Variants in FSTL5 observed in about 807,000 individuals in gnomAD.
The protein encoded by FSTL5 is follistatin-related protein 5.
In FSTL5, 62 loss-of-function variants were observed where a neutral mutation model predicts 89.1. The ratio of observed to expected loss-of-function variants is 0.70; its 90% CI spans 0.57 to 0.86. The LOEUF is 0.86. FSTL5 is among the 40% of genes least tolerant of loss of function. The pLI, the probability that FSTL5 is intolerant of heterozygous loss-of-function variation, is 0.00. For synonymous variants in FSTL5, 383 were observed against 346.2 expected (o/e 1.11, Z -1.18); for missense variants, 1,057 against 1,001.6 (o/e 1.06, Z -0.75).
intron 3 of FSTL5, among the ~76,000 whole-genome samples, chr4:162,003,014 G>A (rs1736510716): frequency 2.0e-5 from 3 of 152,044 alleles, no homozygotes; most frequent in African/African-American, 7.2e-5. Flanking sequence ...CGTGGTGTCA[G>A]GCGCCTCTAG....
chr4:161,580,227 A>G (rs1055707389), intron 8 of FSTL5, among the ~76,000 whole-genome samples: 8 of 152,186 alleles, frequency 5.3e-5, no homozygotes, highest in Non-Finnish European at 8.8e-5. Context: ...CAGTATATAG[A>G]GGGAATTTTG....
At chr4:162,039,056 T>C (rs997900451) in intron 2 of FSTL5, among the ~76,000 whole-genome samples, 2 of 151,976 alleles carry the variant, frequency 1.3e-5, no homozygotes, top group Admixed American at 1.3e-4. Flanking sequence ...CTCTGATCAA[T>C]ACCAAGACTA....
intron 7 of FSTL5, among the ~76,000 whole-genome samples, chr4:161,602,253 A>AAGAGAGAGAGAGAGAGAGAGAG (rs58991875): frequency 8.1e-6 from 1 of 122,734 alleles, no homozygotes; most frequent in African/African-American, 3.2e-5. Context: ...GAGGGAGAGA[A>AAGAGAGAGAGAGAGAGAGAGAG]AGAGAGAGAG....
intron 2 of FSTL5, among the ~76,000 whole-genome samples, chr4:162,075,234 G>T (rs1729789660): frequency 6.6e-6 from 1 of 151,740 alleles, no homozygotes; most frequent in African/African-American, 2.4e-5. Context: ...CTGTTGATTG[G>T]ATAGACAGAG....
At chr4:161,735,586 C>A (rs1443665380) in intron 6 of FSTL5, among the ~76,000 whole-genome samples, 1 of 152,156 alleles carries the variant, frequency 6.6e-6, no homozygotes, top group African/African-American at 2.4e-5. Flanking sequence ...CTAATTGGAT[C>A]ACTTAATGCC....
intron 7 of FSTL5, among the ~76,000 whole-genome samples, chr4:161,610,793 A>G (rs1488517025): frequency 6.6e-6 from 1 of 151,578 alleles, no homozygotes; most frequent in African/African-American, 2.4e-5. Context: ...TTTTTTTTAT[A>G]TTTTGGTTGT....
intron 15 of FSTL5, among the ~76,000 whole-genome samples, chr4:161,413,953 AC>A (rs1305692945): frequency 2.0e-5 from 3 of 152,112 alleles, no homozygotes; most frequent in African/African-American, 7.2e-5. Context: ...TAGCAAAACT[AC>A]CTACTGGGTA....
At chr4:161,663,915 C>A (rs1281519988) in intron 6 of FSTL5, among the ~76,000 whole-genome samples, 2 of 152,226 alleles carry the variant, frequency 1.3e-5, no homozygotes, top group African/African-American at 4.8e-5. Flanking sequence ...TGTGCACCCA[C>A]GGGCTCAACA....
At chr4:161,700,300 T>G (rs976823916) in intron 6 of FSTL5, among the ~76,000 whole-genome samples, 1 of 152,124 alleles carries the variant, frequency 6.6e-6, no homozygotes, top group Admixed American at 6.6e-5. Flanking sequence ...CATAATTCAA[T>G]TCCAGGTAGT....
intron 3 of FSTL5, among the ~76,000 whole-genome samples, chr4:162,024,547 A>G (rs982467870): frequency 7.9e-5 from 12 of 152,192 alleles, no homozygotes; most frequent in African/African-American, 2.9e-4. Context: ...TGGGGCACAC[A>G]GCAGTTGTTT....
intron 7 of FSTL5, among the ~76,000 whole-genome samples, chr4:161,593,249 A>T (rs1464321557): frequency 6.6e-6 from 1 of 152,092 alleles, no homozygotes; most frequent in East Asian, 1.9e-4. Context: ...ATTTTTTTAA[A>T]AATATTTATA....
At chr4:161,975,120 T>C (rs1183790948) in intron 3 of FSTL5, among the ~76,000 whole-genome samples, 1 of 137,876 alleles carries the variant, frequency 7.3e-6, no homozygotes, top group Non-Finnish European at 1.5e-5. Context: ...CTGGAGAGGA[T>C]GTGGAGAAAT....
At position 161,802,758 on chromosome 4, in the gene FSTL5, G is replaced by A. The variant is rs188629093; in HGVS notation, c.410-26684C>T. Reference sequence around the variant, plus strand: ...AGCTCCATTTATATGTGGATAACAAGATTGAAAAAAATTACTCTGTTGCAT... The same window carrying A: ...AGCTCCATTTATATGTGGATAACAAAATTGAAAAAAATTACTCTGTTGCAT... On this transcript the variant is annotated intron_variant, in intron 4 of 15. Coordinates refer to ENST00000306100, the MANE Select transcript of FSTL5 (RefSeq NM_020116.5). Among the ~76,000 whole-genome samples the A allele has an allele frequency of 7.2e-5, 11 of 151,764 alleles. No individual in the cohort carries two copies. The East Asian group carries it at 2.1e-3, about 29-fold the overall frequency.
chr4:162,001,573 G>C (rs7683405), intron 3 of FSTL5, among the ~76,000 whole-genome samples: 17,037 of 150,666 alleles, frequency 0.11, 1,061 homozygotes, highest in East Asian at 0.23. Context: ...CATACATAAA[G>C]TGCCTTCTGC....
chr4:161,881,904 G>A (rs1301875195), intron 4 of FSTL5, among the ~76,000 whole-genome samples: 1 of 151,940 alleles, frequency 6.6e-6, no homozygotes, highest in Non-Finnish European at 1.5e-5. Context: ...TTTCTTAAAT[G>A]TTAATTAGCA....
chr4:162,071,605 T>C (rs1440095040), intron 2 of FSTL5, among the ~76,000 whole-genome samples: 6 of 151,824 alleles, frequency 4.0e-5, no homozygotes, highest in Admixed American at 1.3e-4. Flanking sequence ...ATAATCAGCA[T>C]AGAAACCTTG....
At chr4:161,467,887 G>A (rs995587094) in intron 13 of FSTL5, among the ~76,000 whole-genome samples, 8 of 151,998 alleles carry the variant, frequency 5.3e-5, no homozygotes, top group African/African-American at 1.9e-4. Flanking sequence ...TATGTATTTT[G>A]GTAGCATATA....
At chr4:162,090,712 T>C (rs993643200) in intron 2 of FSTL5, among the ~76,000 whole-genome samples, 2 of 151,884 alleles carry the variant, frequency 1.3e-5, no homozygotes, top group Non-Finnish European at 2.9e-5. Context: ...TCCCAACTAC[T>C]TGGGTGGCTG....
intron 4 of FSTL5, among the ~76,000 whole-genome samples, chr4:161,899,182 G>GA (rs1292976741): frequency 1.3e-5 from 2 of 152,064 alleles, no homozygotes; most frequent in African/African-American, 4.8e-5. Context: ...GAATTTGTTT[G>GA]AAAAAGAAGT....
Sources: gnomAD v4.1 joint callset for allele counts (sites outside exome capture counted in the v4.1 genomes callset) on GRCh38, gnomAD v4.1.1 for gene constraint, MANE v1.5 for transcripts, NCBI Gene and HGNC (gene_info 2026-07-23, HGNC 2026-07-21) for gene names.